The following BCKDHB variants were observed in gnomAD, a reference collection of about 807,000 sequenced individuals.
BCKDHB encodes the protein branched chain keto acid dehydrogenase E1 subunit beta.
Under a neutral mutation model 48.5 loss-of-function variants are expected in BCKDHB, and 41 were observed. The ratio of observed to expected loss-of-function variants is 0.85; its 90% CI spans 0.66 to 1.10. The LOEUF (loss-of-function observed/expected upper bound fraction) is 1.10, where lower values mean the gene tolerates loss of function less well. Among genes scored for constraint, BCKDHB ranks in the 50% least tolerant of loss-of-function variants. The pLI is 0.00. For synonymous variants in BCKDHB, 201 were observed against 174.8 expected, an observed-to-expected ratio of 1.15 and a Z score of -1.18; for missense variants, 496 against 494.2, an observed-to-expected ratio of 1.00 and a Z score of -0.03.
chr6:80,142,353 C>G (rs1246241838), intron 3 of BCKDHB, among the ~76,000 whole-genome samples: 2 of 152,016 alleles, frequency 1.3e-5, no homozygotes, highest in Admixed American at 1.3e-4. Context: ...TACTGTCTAT[C>G]TATTATTGCT....
At chr6:80,168,246 C>G (rs895077711) in intron 4 of BCKDHB, among the ~76,000 whole-genome samples, 1 of 151,690 alleles carries the variant, frequency 6.6e-6, no homozygotes, top group Non-Finnish European at 1.5e-5. Flanking sequence ...GATCGCAGCA[C>G]TGCACTCCCT....
the BCKDHB span, among the ~76,000 whole-genome samples, chr6:80,396,711 G>C: frequency 6.6e-6 from 1 of 152,160 alleles, no homozygotes; most frequent in South Asian, 2.1e-4. Flanking sequence ...AGATCTGATT[G>C]TTTTATAAGG....
At chr6:80,115,197 A>C (rs751456115) in intron 1 of BCKDHB, among the ~76,000 whole-genome samples, 3 of 151,722 alleles carry the variant, frequency 2.0e-5, no homozygotes, top group Non-Finnish European at 1.5e-5. Context: ...TGCAGTGGCT[A>C]TTCACAGCCA....
intron 1 of BCKDHB, among the ~76,000 whole-genome samples, chr6:80,122,379 A>G (rs916194310): frequency 6.6e-6 from 1 of 152,184 alleles, no homozygotes; most frequent in Non-Finnish European, 1.5e-5. Flanking sequence ...TGAGTTAGGG[A>G]GGATTCCTTC....
At chr6:80,341,651 C>A (rs1394588439) in intron 9 of BCKDHB, among the ~76,000 whole-genome samples, 1 of 152,196 alleles carries the variant, frequency 6.6e-6, no homozygotes, top group Admixed American at 6.5e-5. Context: ...AACAGAACTT[C>A]TTGTGGTAGG....
intron 2 of BCKDHB, among the ~76,000 whole-genome samples, 158 bp downstream of exon 2, chr6:80,127,782 C>T (rs1770423531): frequency 6.6e-6 from 1 of 152,088 alleles, no homozygotes; most frequent in African/African-American, 2.4e-5. Context: ...AATATTAGTC[C>T]ACTTATTACC....
chr6:80,334,387 TA>T (rs1318855106), intron 9 of BCKDHB, among the ~76,000 whole-genome samples: 17 of 152,148 alleles, frequency 1.1e-4, no homozygotes, highest in African/African-American at 3.9e-4. Flanking sequence ...TTTGCTTTGT[TA>T]ATTTGTTCAA....
chr6:80,107,841 G>A (rs1236939725), intron 1 of BCKDHB, among the ~76,000 whole-genome samples: 1 of 152,060 alleles, frequency 6.6e-6, no homozygotes, highest in Non-Finnish European at 1.5e-5. Flanking sequence ...CAAGTTTCAT[G>A]TAATGTCTCT....
intron 3 of BCKDHB, among the ~76,000 whole-genome samples, chr6:80,149,392 A>C (rs549005250): frequency 4.6e-5 from 7 of 152,348 alleles, no homozygotes; most frequent in African/African-American, 1.4e-4. Context: ...TGGTTCAACC[A>C]TTGTGGAAGA....
At chr6:80,435,755 C>G in the BCKDHB span, among the ~76,000 whole-genome samples, 1 of 152,166 alleles carries the variant, frequency 6.6e-6, no homozygotes, top group Non-Finnish European at 1.5e-5. Flanking sequence ...ACTTTTCAGC[C>G]AGGCACAGTG....
At chr6:80,359,976 G>T in the BCKDHB span, among the ~76,000 whole-genome samples, 7 of 152,280 alleles carry the variant, frequency 4.6e-5, no homozygotes, top group African/African-American at 1.4e-4. Context: ...ATGTTGTTCA[G>T]TTGTCAGCTC....
chr6:80,287,564 C>T (rs1766688336), intron 9 of BCKDHB, among the ~76,000 whole-genome samples: 1 of 151,878 alleles, frequency 6.6e-6, no homozygotes, highest in African/African-American at 2.4e-5. Context: ...ATTAGGCGTG[C>T]AGACACCAGA....
intron 9 of BCKDHB, among the ~76,000 whole-genome samples, chr6:80,290,485 T>C (rs1766856618): frequency 6.6e-6 from 1 of 152,148 alleles, no homozygotes; most frequent in Non-Finnish European, 1.5e-5. Flanking sequence ...CCTGGGAACA[T>C]GAGGAAGAAC....
At chr6:80,194,019 T>A (rs572310616) in intron 6 of BCKDHB, among the ~76,000 whole-genome samples, 1 of 152,314 alleles carries the variant, frequency 6.6e-6, no homozygotes, top group East Asian at 1.9e-4. Flanking sequence ...TCTTCATTTG[T>A]ACTAGCATTT....
the BCKDHB span, among the ~76,000 whole-genome samples, chr6:80,407,726 G>A: frequency 1.3e-5 from 2 of 152,186 alleles, no homozygotes; most frequent in African/African-American, 4.8e-5. Context: ...CTTTGCTGAA[G>A]TTGCTTATCA....
At chr6:80,450,636 A>G in the BCKDHB span, among the ~76,000 whole-genome samples, 4 of 152,058 alleles carry the variant, frequency 2.6e-5, no homozygotes, top group Non-Finnish European at 5.9e-5. Flanking sequence ...CCAAGGTGAA[A>G]TTTTTTTGGC....
downstream of BCKDHB, among the ~76,000 whole-genome samples, chr6:80,350,628 A>G (rs75257684): frequency 0.017 from 2,610 of 152,242 alleles, 74 homozygotes; most frequent in East Asian, 0.096. Context: ...CCATTTATAT[A>G]AAATAATTAT....
At chr6:80,356,593 C>G in the BCKDHB span, 1 of 152,076 alleles carries the variant, frequency 6.6e-6, no homozygotes, top group East Asian at 1.9e-4. Flanking sequence ...ATTTTACTTA[C>G]AAAGGAGTAA....
intron 6 of BCKDHB, among the ~76,000 whole-genome samples, chr6:80,181,451 A>G (rs186010575): frequency 2.1e-4 from 32 of 152,284 alleles, no homozygotes; most frequent in African/African-American, 7.7e-4. Flanking sequence ...CTAAGTCAAC[A>G]ATGTTCTTTA....
Sources: gnomAD v4.1 joint callset for allele counts (sites outside exome capture counted in the v4.1 genomes callset) on GRCh38, gnomAD v4.1.1 for gene constraint, MANE v1.5 for transcripts, NCBI Gene and HGNC (gene_info 2026-07-23, HGNC 2026-07-21) for gene names.